The following IPO5 variants were observed in gnomAD, a reference collection of about 807,000 sequenced individuals.
IPO5 encodes importin 5.
Under a neutral mutation model 143.3 loss-of-function variants are expected in IPO5, and 18 were observed. The ratio of observed to expected loss-of-function variants is 0.13; its 90% confidence interval spans 0.09 to 0.19. The LOEUF (loss-of-function observed/expected upper bound fraction) is 0.19. Ranked by LOEUF, IPO5 falls within the 10% of genes least tolerant of loss-of-function variation. The pLI is 1.00. For synonymous variants in IPO5, 477 were observed against 465.7 expected (o/e 1.02, Z -0.31); for missense variants, 1,013 against 1,336.9 (o/e 0.76, Z 3.78).
intron 17 of IPO5, 32 bp from the exon 18 acceptor site, chr13:98,008,027 C>T: frequency 7.0e-7 from 1 of 1,427,830 alleles, no homozygotes; most frequent in Non-Finnish European, 9.8e-7. Flanking sequence ...AATTCGGTAT[C>T]AACAAGTGTG....
chr13:97,970,176 A>G (rs1885699744), intron 3 of IPO5, among the ~76,000 whole-genome samples: 1 of 152,246 alleles, frequency 6.6e-6, no homozygotes, highest in South Asian at 2.1e-4. Context: ...AGTAAAAAAA[A>G]GTGAAATTAA....
chr13:98,017,766 T>C (rs1286389668), intron 25 of IPO5, among the ~76,000 whole-genome samples: 6 of 152,194 alleles, frequency 3.9e-5, no homozygotes, highest in Non-Finnish European at 8.8e-5. Flanking sequence ...CATCAACACA[T>C]CATATAATGG....
chr13:97,983,015 C>T lies in IPO5; in HGVS notation c.171+432C>T, dbSNP rs113673327. Among the ~76,000 whole-genome samples, 1,163 of 152,264 alleles carry T rather than the reference C, an allele frequency of 7.6e-3. 20 individuals are homozygous for T. The highest frequency in any genetic ancestry group is 0.026 in the African/African-American group (1,092 of 41,560). On this transcript the variant is annotated intron_variant, in intron 5 of 28. Coordinates refer to ENST00000651721, the MANE Select transcript of IPO5 (RefSeq NM_002271.6). Reference sequence around the variant, plus strand: ...CTTCCCGAGTAACTGGGATTACAGGCGTGCGCCACCACACCTGGCTAATTT... The same window carrying T: ...CTTCCCGAGTAACTGGGATTACAGGTGTGCGCCACCACACCTGGCTAATTT...
At chr13:97,976,072 C>A in intron 3 of IPO5, 1 of 606,574 alleles carries the variant, frequency 1.6e-6, no homozygotes, top group Non-Finnish European at 2.1e-6. Context: ...GAGCGAGGGA[C>A]CAAAGGGGTG....
Position 97,993,234 on chromosome 13 carries a change from A to G in IPO5, c.913+9A>G, listed in dbSNP as rs368967439. On this transcript the variant is annotated intron_variant, in intron 11 of 28. Coordinates refer to ENST00000651721, the MANE Select transcript of IPO5 (RefSeq NM_002271.6). ...TATTGTTGCACAGACTAGTAAGTCA[A>G]TGGTCTTCAGATAGTTTATGTGTAT... 7.8e-5 allele frequency: 126 copies of G among 1,612,862 alleles called. No homozygotes were observed. Among genetic ancestry groups the G allele is most frequent in the Middle Eastern group, 1.7e-4 (1 of 6,060 alleles).
At chr13:98,013,690 A>G (rs781466328) in intron 21 of IPO5, among the ~76,000 whole-genome samples, 1 of 152,086 alleles carries the variant, frequency 6.6e-6, no homozygotes, top group Admixed American at 6.5e-5. Context: ...TTTTTCAGGG[A>G]AATACTTCAG....
intron 6 of IPO5, among the ~76,000 whole-genome samples, chr13:97,987,566 C>A (rs1887475828): frequency 1.3e-5 from 2 of 152,130 alleles, no homozygotes; most frequent in African/African-American, 4.8e-5. Context: ...GTTGCCCAGG[C>A]TTGAGTACAG....
chr13:97,990,842 T>TG (rs1318384389), intron 9 of IPO5, among the ~76,000 whole-genome samples: 1 of 152,224 alleles, frequency 6.6e-6, no homozygotes, highest in Admixed American at 6.5e-5. Flanking sequence ...CCAAATAACC[T>TG]GTGAGATTTA....
chr13:97,975,318 G>A (rs922201831), intron 3 of IPO5, among the ~76,000 whole-genome samples: 4 of 151,998 alleles, frequency 2.6e-5, no homozygotes, highest in Non-Finnish European at 5.9e-5. Flanking sequence ...GTGAAACCCC[G>A]TTTCTACTAA....
In IPO5 at chr13:98,023,285, C is replaced by G. The variant is rs1267841228; in HGVS notation, c.*1463C>G. On this transcript the variant is annotated 3_prime_UTR_variant, in exon 29 of 29. Coordinates refer to ENST00000651721, the MANE Select transcript of IPO5 (RefSeq NM_002271.6). ...AGTCCTTGTGTTCAGTGGATGAATA[C>G]CTGTGGGCTCTTGTAATGTGTGGTA... The G allele has an allele frequency of 6.6e-6, 1 of 152,146 alleles. No individual in the cohort carries two copies. The highest frequency in any genetic ancestry group is 2.4e-5 in the African/African-American group (1 of 41,416). The allele number at this position is 152,146 out of a possible 1,614,324, so 9.4% of individuals were successfully genotyped here. A position where few individuals can be genotyped will look rare whatever the true frequency, so the allele number is the denominator to read the frequency against.
At chr13:98,011,150 A>C (rs1889678544) in intron 20 of IPO5, among the ~76,000 whole-genome samples, 1 of 152,172 alleles carries the variant, frequency 6.6e-6, no homozygotes, top group Non-Finnish European at 1.5e-5. Flanking sequence ...TATAAATTAT[A>C]AACACTTTGG....
chr13:97,957,775 A>C (rs1884559670), intron 2 of IPO5, among the ~76,000 whole-genome samples: 1 of 152,182 alleles, frequency 6.6e-6, no homozygotes, highest in African/African-American at 2.4e-5. Flanking sequence ...CCTTACATGC[A>C]TTAGTGGATT....
intron 13 of IPO5, chr13:98,000,943 A>G (rs950891773): frequency 2.9e-6 from 1 of 342,206 alleles, no homozygotes. Flanking sequence ...TATTTTTAAA[A>G]GAAGAAACTC....
At chr13:97,967,151 G>A (rs1885414776) in intron 2 of IPO5, among the ~76,000 whole-genome samples, 1 of 152,166 alleles carries the variant, frequency 6.6e-6, no homozygotes, top group Non-Finnish European at 1.5e-5. Context: ...CTAGAAATGT[G>A]TCCATTTCCT....
chr13:97,976,102 CGGGGAGGGGCCGG>C, intron 3 of IPO5: 6 of 315,224 alleles, frequency 1.9e-5, no homozygotes, highest in Non-Finnish European at 2.8e-5. Context: ...CCAGCGGCCA[CGGGGAGGGGCCGG>C]GGGTCGCTAG....
In IPO5 at chr13:97,968,519, ATTCTGTCAGGT is replaced by A. The variant is rs573551315; in HGVS notation, c.-112-1201_-112-1191del. Among the ~76,000 whole-genome samples the A allele has an allele frequency of 3.9e-4, 60 of 152,316 alleles. No homozygotes were observed. The East Asian group carries it at 0.01, about 25-fold the overall frequency. ...TGTTGAATTATCTATTTCTCCCTTA[ATTCTGTCAGGT>A]TTTGCTTTATGTATTTTGGTGCTGT... On this transcript the variant is annotated intron_variant, in intron 2 of 28. Transcript: ENST00000651721.
Position 98,022,047 on chromosome 13 carries a change from G to A in IPO5, c.*225G>A. On this transcript the variant is annotated 3_prime_UTR_variant, in exon 29 of 29. Coordinates refer to ENST00000651721, the MANE Select transcript of IPO5 (RefSeq NM_002271.6). ...GTTCCTGGAAGCCCTGCGGTAGCTA[G>A]CACTGAAGACTATTTTTCTATTGGT... 5.2e-6 allele frequency: 2 copies of A among 384,668 alleles called. No individual in the cohort carries two copies. Among genetic ancestry groups the A allele is most frequent in the Admixed American group, 7.9e-5 (2 of 25,258 alleles). The allele number at this position is 384,668 out of a possible 1,614,324, so 23.8% of individuals were successfully genotyped here.
intron 11 of IPO5, among the ~76,000 whole-genome samples, chr13:97,993,619 C>G (rs73556544): frequency 0.02 from 3,037 of 152,286 alleles, 108 homozygotes; most frequent in African/African-American, 0.069. Context: ...AGAACAAGGT[C>G]TAACACTAGT....
At chr13:97,969,582 T>C in intron 2 of IPO5, 141 bp from the exon 3 acceptor site, 1 of 595,832 alleles carries the variant, frequency 1.7e-6, no homozygotes, top group Non-Finnish European at 3.0e-6. Context: ...GAAAAGGTAT[T>C]TTTATTTTCT....
Sources: allele counts gnomAD v4.1 joint callset (sites outside exome capture counted in the v4.1 genomes callset), GRCh38; gene constraint gnomAD v4.1.1; transcripts MANE v1.5; gene names NCBI Gene and HGNC (gene_info 2026-07-23, HGNC 2026-07-21).